The following RNF6 variants were observed in gnomAD, a reference collection of about 807,000 sequenced individuals.
The protein encoded by RNF6 is E3 ubiquitin-protein ligase RNF6.
In RNF6, 21 loss-of-function variants were observed where a neutral mutation model predicts 50.1. The observed-to-expected ratio is 0.42, with a 90% CI of 0.30 to 0.60. RNF6 has a LOEUF of 0.60. Among genes scored for constraint, RNF6 ranks in the 20% least tolerant of loss-of-function variants. The probability of loss-of-function intolerance (pLI) is 0.20; values close to 1 mark genes in which losing one functional copy is unlikely to be tolerated. For missense variants in RNF6, 698 were observed against 838.2 expected, an observed-to-expected ratio of 0.83 and a Z score of 2.07; for synonymous variants, 255 against 291.8, an observed-to-expected ratio of 0.87 and a Z score of 1.29.
intron 2 of RNF6, 115 bp from the exon 3 acceptor site, chr13:26,219,782 T>C: frequency 1.1e-6 from 1 of 870,622 alleles, no homozygotes; most frequent in Non-Finnish European, 1.7e-6. Context: ...ACCCAAATAC[T>C]GTATTTGCCA....
chr13:26,180,046 G>T (rs1368137249), intron 5 of RNF6, among the ~76,000 whole-genome samples: 1 of 152,102 alleles, frequency 6.6e-6, no homozygotes, highest in Non-Finnish European at 1.5e-5. Flanking sequence ...GTTTATCCAG[G>T]TACAGCAGGA....
rs547054814 is a variant in RNF6 at position 26,177,627 on chromosome 13, A to G, written n.768+37847T>C. ...ACCTCTTCCACCTTACATTTCCTGTATCTCAAGAAAAGGCTTCACAACCTA... is the reference window on the plus strand; with the variant it reads ...ACCTCTTCCACCTTACATTTCCTGTGTCTCAAGAAAAGGCTTCACAACCTA... On this transcript the variant is annotated intron_variant and non_coding_transcript_variant, in intron 5 of 5. Transcript: ENST00000468480. Among the ~76,000 whole-genome samples, 25 of 152,334 alleles carry G rather than the reference A, an allele frequency of 1.6e-4. No individual in the cohort carries two copies. In the South Asian group the frequency reaches 4.1e-3, roughly 25 times the overall value.
At chr13:26,143,822 C>T (rs1433519715) in intron 5 of RNF6, among the ~76,000 whole-genome samples, 1 of 152,118 alleles carries the variant, frequency 6.6e-6, no homozygotes, top group East Asian at 1.9e-4. Flanking sequence ...AGCATGGGCC[C>T]ATTGCCACAC....
Position 26,180,012 on chromosome 13 carries a change from C to T in RNF6, n.768+35462G>A, listed in dbSNP as rs1004835736. ...CGACCCTGCTTCTGGGCCTCTTCCG[C>T]TTGTGTCCCTATAAGCCTGAGGTGT... On this transcript the variant is annotated intron_variant and non_coding_transcript_variant, in intron 5 of 5. Transcript: ENST00000468480. Among the ~76,000 whole-genome samples, 5 of 152,224 alleles carry T rather than the reference C, an allele frequency of 3.3e-5. No homozygotes were observed. The South Asian group carries it at 1.0e-3, about 32-fold the overall frequency.
intron 5 of RNF6, among the ~76,000 whole-genome samples, chr13:26,200,828 C>T (rs1312733851): frequency 6.6e-6 from 1 of 152,186 alleles, no homozygotes; most frequent in Non-Finnish European, 1.5e-5. Flanking sequence ...CTGCCCCATT[C>T]AGATACAGTG....
At chr13:26,188,623 CTTTTTTTTTT>C (rs1163881143) in intron 5 of RNF6, among the ~76,000 whole-genome samples, 4 of 43,258 alleles carry the variant, frequency 9.2e-5, no homozygotes, top group African/African-American at 3.3e-4. Context: ...GTCAAAAGAG[CTTTTTTTTTT>C]TTTTTTTTTT....
chr13:26,164,433 ATGTGTCTCCAT>A (rs1464121358), intron 5 of RNF6, among the ~76,000 whole-genome samples: 9 of 152,102 alleles, frequency 5.9e-5, no homozygotes, highest in Non-Finnish European at 1.5e-5. Context: ...GCCTTTGATC[ATGTGTCTCCAT>A]TGTCCCCTTT....
intron 4 of RNF6, among the ~76,000 whole-genome samples, chr13:26,218,169 G>A (rs1011706853): frequency 7.2e-5 from 11 of 152,204 alleles, no homozygotes; most frequent in Middle Eastern, 3.4e-3. Flanking sequence ...CTTTCTACAC[G>A]GTTCTGTATA....
rs114095378 is a variant in RNF6 at position 26,174,230 on chromosome 13, C to T, written n.768+41244G>A. The stretch of plus-strand genomic sequence containing the variant: ...TTTCATCCTCTCGGTGCCTGTCTCA[C>T]AGGATTTCGAGGGCAAGAGTCTGGA... On this transcript the variant is annotated intron_variant and non_coding_transcript_variant, in intron 5 of 5. Transcript: ENST00000468480. Among the ~76,000 whole-genome samples, 855 of 152,182 alleles carry T rather than the reference C, an allele frequency of 5.6e-3. 14 individuals are homozygous for T. Among genetic ancestry groups the T allele is most frequent in the African/African-American group, 0.02 (814 of 41,516 alleles).
At position 26,155,467 on chromosome 13, in the gene RNF6, G is replaced by A. The variant is rs571437530; in HGVS notation, n.769-23016C>T. 3.4e-4 allele frequency among the ~76,000 whole-genome samples: 51 copies of A among 152,200 alleles called. 1 individual carries two copies. The highest frequency in any genetic ancestry group is 1.2e-3 in the African/African-American group (50 of 41,540). ...ATTATCCCAGTGAAGTGGGGTGGAG[G>A]ATGGGGCAATAATATAGAACAGGGT... On this transcript the variant is annotated intron_variant and non_coding_transcript_variant, in intron 5 of 5. Coordinates refer to the RNF6 transcript ENST00000468480.
At chr13:26,196,249 A>G (rs188855046) in intron 5 of RNF6, among the ~76,000 whole-genome samples, 23 of 152,354 alleles carry the variant, frequency 1.5e-4, no homozygotes, top group Admixed American at 5.2e-4. Context: ...AATGGAGGCC[A>G]GAAGTCAAAA....
intron 5 of RNF6, among the ~76,000 whole-genome samples, chr13:26,145,763 T>A (rs1871201258): frequency 1.3e-5 from 2 of 152,212 alleles, no homozygotes; most frequent in African/African-American, 2.4e-5. Flanking sequence ...ATCTCTGAAA[T>A]CACTGCAGGA....
chr13:26,160,770 T>G (rs1010128184), intron 5 of RNF6, among the ~76,000 whole-genome samples: 5 of 152,056 alleles, frequency 3.3e-5, no homozygotes, highest in African/African-American at 9.7e-5. Flanking sequence ...GAGATCAAGG[T>G]GTTGGCAGAG....
intron 5 of RNF6, among the ~76,000 whole-genome samples, chr13:26,186,774 CTTT>C (rs66536727): frequency 2.7e-5 from 2 of 74,100 alleles, no homozygotes; most frequent in South Asian, 3.8e-4. Flanking sequence ...CTTTCTTCTT[CTTT>C]TTTTTTTTTT....
chr13:26,143,118 G>T (rs1871046549), intron 5 of RNF6, among the ~76,000 whole-genome samples: 2 of 152,106 alleles, frequency 1.3e-5, no homozygotes, highest in Admixed American at 6.6e-5. Flanking sequence ...ACTTCAACTA[G>T]TTGTGGTTCT....
intron 5 of RNF6, among the ~76,000 whole-genome samples, chr13:26,175,831 A>G (rs1048772688): frequency 7.2e-5 from 11 of 152,188 alleles, no homozygotes; most frequent in Non-Finnish European, 1.0e-4. Context: ...ATGGAAAACA[A>G]CAGAAATGCC....
chr13:26,195,366 G>T lies in RNF6; in HGVS notation n.768+20108C>A, dbSNP rs770617495. 2.7e-5 allele frequency among the ~76,000 whole-genome samples: 4 copies of T among 150,876 alleles called. No individual in the cohort carries two copies. In the South Asian group the frequency reaches 8.4e-4, roughly 32 times the overall value. ...AAAGCTGAAAAGCAAAGAGGACAAA[G>T]ACAAAAAAAACCAGAATATTCAAGG... On this transcript the variant is annotated intron_variant and non_coding_transcript_variant, in intron 5 of 5. Transcript: ENST00000468480.
rs138508581 is a variant in RNF6, at chr13:26,168,322, C to T, written n.769-35871G>A. 1.5e-3 allele frequency among the ~76,000 whole-genome samples: 221 copies of T among 152,226 alleles called. No homozygotes were observed. The South Asian group carries it at 0.015, about 10-fold the overall frequency. On this transcript the variant is annotated intron_variant and non_coding_transcript_variant, in intron 5 of 5. Coordinates refer to the RNF6 transcript ENST00000468480. ...GAACAGGAATAAGTGAGAGCAGAGC[C>T]CACTCAGGCAGACAGGCCCTTCTGC... is the stretch of plus-strand genomic sequence containing the variant.
At chr13:26,202,228 C>T (rs1251593175) in intron 5 of RNF6, among the ~76,000 whole-genome samples, 1 of 152,156 alleles carries the variant, frequency 6.6e-6, no homozygotes, top group Non-Finnish European at 1.5e-5. Context: ...CCAACCTACT[C>T]TTGAGTTGGT....
Sources: gnomAD v4.1 joint callset for allele counts (sites outside exome capture counted in the v4.1 genomes callset) on GRCh38, gnomAD v4.1.1 for gene constraint, MANE v1.5 for transcripts, NCBI Gene and HGNC (gene_info 2026-07-23, HGNC 2026-07-21) for gene names.